ARHGEF11: variants seen among roughly 807,000 people sequenced by gnomAD.
ARHGEF11 encodes Rho guanine exchange factor (GEF) 11.
A neutral mutation model predicts 193.7 loss-of-function variants in ARHGEF11; 55 were observed. That is an observed-to-expected ratio of 0.28 (90% CI 0.23 to 0.36). ARHGEF11 has a LOEUF of 0.36. Ranked by LOEUF, ARHGEF11 falls within the 10% of genes least tolerant of loss-of-function variation. The pLI is 1.00. For missense variants in ARHGEF11, 1,723 were observed against 2,005.6 expected (o/e 0.86, Z 2.69); for synonymous variants, 693 against 768.0 (o/e 0.90, Z 1.62).
chr1:157,037,185 G>A (rs1255233015), intron 1 of ARHGEF11, among the ~76,000 whole-genome samples: 1 of 151,892 alleles, frequency 6.6e-6, no homozygotes, highest in Non-Finnish European at 1.5e-5. Flanking sequence ...GGTTAATTCT[G>A]CTACCAAAAC....
chr1:156,963,120 G>A, intron 13 of ARHGEF11, 83 bp downstream of exon 13: 1 of 1,078,748 alleles, frequency 9.3e-7, no homozygotes, highest in Non-Finnish European at 1.4e-6. Context: ...ACTTGTAACA[G>A]CCAGGGAGCA....
chr1:157,046,430 C>T (rs1053899304), upstream of ARHGEF11, among the ~76,000 whole-genome samples: 101 of 116,634 alleles, frequency 8.7e-4, 1 homozygote, highest in African/African-American at 3.3e-3. Context: ...CCGGCGCCCG[C>T]AGCTGCGGCT....
chr1:156,963,801 G>A, intron 11 of ARHGEF11: 1 of 1,408,094 alleles, frequency 7.1e-7, no homozygotes, highest in Non-Finnish European at 9.2e-7. Context: ...GGGTGGGGCA[G>A]GGCAGATTCA....
At chr1:156,938,983 G>A (rs938319118) in intron 37 of ARHGEF11, 19 of 184,818 alleles carry the variant, frequency 1.0e-4, no homozygotes, top group African/African-American at 1.9e-4. Context: ...TCTCAAGGCC[G>A]TCCATGGTGT....
chr1:157,028,517 T>C (rs1670922756), intron 1 of ARHGEF11, among the ~76,000 whole-genome samples: 1 of 151,952 alleles, frequency 6.6e-6, no homozygotes, highest in African/African-American at 2.4e-5. Context: ...TGATGGCGAG[T>C]AGAGCCCTAA....
At chr1:156,997,877 G>T (rs1461757158) in intron 1 of ARHGEF11, among the ~76,000 whole-genome samples, 2 of 151,174 alleles carry the variant, frequency 1.3e-5, no homozygotes, top group Non-Finnish European at 2.9e-5. Flanking sequence ...ATGGCTACTA[G>T]AAAATGTTAA....
intron 1 of ARHGEF11, among the ~76,000 whole-genome samples, chr1:156,986,675 A>T (rs1215506540): frequency 6.6e-6 from 1 of 152,210 alleles, no homozygotes; most frequent in Non-Finnish European, 1.5e-5. Context: ...TGAGCACAAC[A>T]TGTGGCTGTA....
chr1:156,979,268 T>C lies in ARHGEF11; in HGVS notation c.292A>G (p.Thr98Ala). 1 of 1,613,934 alleles carries C rather than the reference T, an allele frequency of 6.2e-7. No individual in the cohort carries two copies. Among genetic ancestry groups the C allele is most frequent in the Non-Finnish European group, 8.5e-7 (1 of 1,179,950 alleles). ...RIIKVNGTMV[T>A]NSSHLEVVKL... ...ACCACTTCCAGGTGTGAGCTATTGG[T>C]CACCATGGTGCCGTTGACCTGTTGG... The change falls in exon 5 of 41, where the codon ACC becomes GCC. Residue 98 changes from threonine to alanine, a missense_variant. By Grantham distance (58) the Thr-to-Ala change is moderately conservative (BLOSUM62 0). Coordinates refer to ENST00000368194, the MANE Select transcript of ARHGEF11 (RefSeq NM_198236.3).
chr1:157,024,150 T>C (rs929998966), intron 1 of ARHGEF11, among the ~76,000 whole-genome samples: 1 of 152,164 alleles, frequency 6.6e-6, no homozygotes, highest in Non-Finnish European at 1.5e-5. Flanking sequence ...ACCTTTAAAG[T>C]ATCGTGCTAA....
chr1:156,971,578 C>T (rs907343494), intron 8 of ARHGEF11, 119 bp downstream of exon 8: 3 of 1,310,658 alleles, frequency 2.3e-6, no homozygotes, highest in African/African-American at 2.9e-5. Context: ...TAAACACTTA[C>T]TAGTTCAGCC....
At position 156,945,060 on chromosome 1, in the gene ARHGEF11, C is replaced by T. The variant is rs779758499; in HGVS notation, c.2950G>A (p.Ala984Thr). ...AGGGGGTTGCTGGCCCTCTCCAGGG[C>T]GGTGGCATCCAGGCGTTTCTGGTAG... is the stretch of plus-strand genomic sequence containing the variant. Reference protein sequence around the residue: ...EGYQKRLDATALERASNPLAA... With the variant: ...EGYQKRLDATTLERASNPLAA... The change falls in exon 30 of 41, where the codon GCC (alanine) becomes ACC (threonine). Residue 984 changes from alanine to threonine, a missense_variant. By Grantham distance (58) the Ala-to-Thr change is moderately conservative. Around this residue, in one of 5 missense-constraint regions of ARHGEF11, gnomAD observed 491 missense variants for 654.5 expected, o/e 0.75. Transcript: ENST00000368194. The T allele has an allele frequency of 2.3e-5, 37 of 1,614,000 alleles. No homozygotes were observed. The highest frequency in any genetic ancestry group is 2.7e-5 in the African/African-American group (2 of 74,912).
chr1:156,943,233 G>C (rs1376125814), intron 32 of ARHGEF11, among the ~76,000 whole-genome samples: 1 of 151,982 alleles, frequency 6.6e-6, no homozygotes, highest in African/African-American at 2.4e-5. Context: ...GCTAATTTTT[G>C]TATTTTTAGT....
At chr1:157,046,318 C>T (rs1673325006), upstream of ARHGEF11, among the ~76,000 whole-genome samples, 1 of 152,016 alleles carries the variant, frequency 6.6e-6, no homozygotes, top group Non-Finnish European at 1.5e-5. Flanking sequence ...GCTCGGGAGC[C>T]GACCTTTGTT....
chr1:156,948,354 C>T lies in ARHGEF11; in HGVS notation c.2070G>A (p.Gln690=), dbSNP rs1658534906. 3.1e-6 allele frequency: 5 copies of T among 1,614,088 alleles called. No individual in the cohort carries two copies. The East Asian group carries it at 1.1e-4, about 36-fold the overall frequency. ...GGCTGGAGGTAGAGGACGAGGCTGA[C>T]TGGTGCAGGCGAGTAGCCTCCGCAG... The part of the protein sequence containing the change: ...DAAAEATRLH[Q]SASSSTSSLS... The change falls in exon 23 of 41, where the codon CAG becomes CAA. Residue 690 remains glutamine, a synonymous_variant. Coordinates refer to ENST00000368194, the MANE Select transcript of ARHGEF11 (RefSeq NM_198236.3). The surrounding 1 kb of genome is among the most constrained non-coding windows in gnomAD (Gnocchi z 4.2).
Position 156,984,424 on chromosome 1 carries a change from G to C in ARHGEF11, c.138C>G (p.Arg46=), listed in dbSNP as rs199615456. Residue 46 remains arginine, a synonymous_variant, in exon 3 of 41, where the codon CGC becomes CGG. Transcript: ENST00000368194. ...GCTGGTCCTTTTGGATAATGACACAGCGTTGAACGAGACCTGGAAGGCGGA... is the reference window on the plus strand; with the variant it reads ...GCTGGTCCTTTTGGATAATGACACACCGTTGAACGAGACCTGGAAGGCGGA... ...DASETTGLVQ[R]CVIIQKDQHG... is the part of the protein sequence containing the mutation. 3.2e-4 allele frequency: 504 copies of C among 1,592,108 alleles called. No individual in the cohort carries two copies. Among genetic ancestry groups the C allele is most frequent in the Middle Eastern group, 1.7e-3 (10 of 5,972 alleles).
chr1:156,958,962 T>C (rs768670170), intron 16 of ARHGEF11, 84 bp downstream of exon 16: 215 of 1,608,410 alleles, frequency 1.3e-4, no homozygotes, highest in Non-Finnish European at 1.8e-4. Context: ...ACAAGAGATA[T>C]GTGCACGTCC....
At chr1:157,030,301 A>G (rs988926478) in intron 1 of ARHGEF11, among the ~76,000 whole-genome samples, 7 of 152,158 alleles carry the variant, frequency 4.6e-5, no homozygotes, top group Admixed American at 2.0e-4. Flanking sequence ...TAAGTGGCAG[A>G]GTGCTGAGCC....
intron 1 of ARHGEF11, among the ~76,000 whole-genome samples, chr1:157,002,026 T>G (rs1667261768): frequency 6.6e-6 from 1 of 152,194 alleles, no homozygotes; most frequent in Non-Finnish European, 1.5e-5. Context: ...AAAGTGTGGT[T>G]GCATGTGCAT....
At chr1:156,969,257 TG>T in intron 10 of ARHGEF11, 24 bp downstream of exon 10, 1 of 1,571,296 alleles carries the variant, frequency 6.4e-7, no homozygotes, top group Non-Finnish European at 8.6e-7. Context: ...ACGTTCTGAA[TG>T]GGCCTTGCCC....
Sources: allele counts gnomAD v4.1 joint callset (sites outside exome capture counted in the v4.1 genomes callset), GRCh38; gene constraint gnomAD v4.1.1; regional missense constraint gnomAD v4.1.1; non-coding constraint Gnocchi (gnomAD v3.1); transcripts MANE v1.5; gene names NCBI Gene and HGNC (gene_info 2026-07-23, HGNC 2026-07-21).